Variants in GPR174 observed in about 807,000 individuals in gnomAD.
The protein encoded by GPR174 is probable G protein-coupled receptor 174.
In GPR174, 8 loss-of-function variants were observed where a neutral mutation model predicts 16.5. The ratio of observed to expected loss-of-function variants is 0.48; its 90% CI spans 0.28 to 0.87. The LOEUF (loss-of-function observed/expected upper bound fraction) is 0.87, where lower values mean the gene tolerates loss of function less well. Among genes scored for constraint, GPR174 ranks in the 40% least tolerant of loss-of-function variants. GPR174 has a pLI of 0.09. For missense variants in GPR174, 214 were observed against 247.5 expected (o/e 0.86, Z 0.91); for synonymous variants, 111 against 94.8 (o/e 1.17, Z -0.99).
At position 79,171,923 on chromosome X, in the gene GPR174, C is replaced by T. The variant is rs1278261605; in HGVS notation, c.916C>T (p.Gln306Ter). Residue 306 changes from glutamine to a stop codon, truncating the protein, a stop_gained, in exon 3 of 3, where the codon CAA becomes TAA. Coordinates refer to ENST00000645147, the MANE Select transcript of GPR174 (RefSeq NM_032553.3). LOFTEE classifies it high-confidence loss of function. ...TGAGTTCCGAAGACGGCTTTCAAGA[C>T]AAGATTTGCATGACAGCATCCAACT... ...TNEFRRRLSR[Q>*]DLHDSIQLHA... 1.7e-6 allele frequency: 2 copies of T among 1,208,554 alleles called. No individual in the cohort carries two copies. Among genetic ancestry groups the T allele is most frequent in the African/African-American group, 3.5e-5 (2 of 56,988 alleles).
rs1196940828 is a variant in GPR174, at chrX:79,171,353, C to T, written c.346C>T (p.Arg116Ter). 4.1e-6 allele frequency: 5 copies of T among 1,209,763 alleles called. No homozygotes were observed. The highest frequency in any genetic ancestry group is 3.0e-5 in the East Asian group (1 of 33,742). Reference protein sequence around the residue: ...IYFLVCISVRRFWFLMYPFRF... With the variant: ...IYFLVCISVR Reference sequence around the variant, plus strand: ...CTTCTTGGTCTGCATCAGTGTGCGACGATTTTGGTTTCTCATGTACCCCTT... The same window carrying T: ...CTTCTTGGTCTGCATCAGTGTGCGATGATTTTGGTTTCTCATGTACCCCTT... Residue 116 changes from arginine (R) to a stop codon, truncating the protein, a stop_gained, in exon 3 of 3, where the codon CGA (arginine) becomes TGA (stop). Coordinates refer to ENST00000645147, the MANE Select transcript of GPR174 (RefSeq NM_032553.3). LOFTEE classifies it high-confidence loss of function.
chrX:79,159,179 G>A (rs998292440), intron 2 of GPR174, among the ~76,000 whole-genome samples: 1 of 111,360 alleles, frequency 9.0e-6, no homozygotes, highest in African/African-American at 3.3e-5. Context: ...TTAACTGGGG[G>A]AAATTCAAGT....
rs1219358148 is a variant in GPR174, at chrX:79,171,319, A to T, written c.312A>T (p.Ala104=). The T allele has an allele frequency of 8.3e-7, 1 of 1,211,363 alleles. No individual in the cohort carries two copies. Among genetic ancestry groups the T allele is most frequent in the East Asian group, 3.0e-5 (1 of 33,833 alleles). ...ACCTGAAGTATGTCAACATGTATGC[A>T]AGCATCTACTTCTTGGTCTGCATCA... ...CFYLKYVNMY[A]SIYFLVCISV... is the part of the protein sequence containing the mutation. Residue 104 remains alanine, a synonymous_variant, in exon 3 of 3, where the codon GCA becomes GCT. Transcript: ENST00000645147.
At chrX:79,157,197 A>C (rs1414562150) in intron 2 of GPR174, among the ~76,000 whole-genome samples, 1 of 112,309 alleles carries the variant, frequency 8.9e-6, no homozygotes, top group Non-Finnish European at 1.9e-5. Flanking sequence ...ACAGAGAAAA[A>C]AAATCAGTCA....
At chrX:79,151,272 T>C (rs750554419) in intron 1 of GPR174, among the ~76,000 whole-genome samples, 1 of 111,821 alleles carries the variant, frequency 8.9e-6, no homozygotes, top group African/African-American at 3.2e-5. Context: ...TACATTTGCT[T>C]TCTCCATTTT....
In GPR174 at chrX:79,170,687, G is replaced by A. The variant is rs1258169730; in HGVS notation, c.-321G>A. On this transcript the variant is annotated 5_prime_UTR_variant, in exon 3 of 3. It removes an upstream start codon present in the reference 5' UTR. Coordinates refer to ENST00000645147, the MANE Select transcript of GPR174 (RefSeq NM_032553.3). Reference sequence around the variant, plus strand: ...TATATGGTACATTCCTTTTCCAAATGGGAGAGAATAAGCTCTCATGATGTC... The same window carrying A: ...TATATGGTACATTCCTTTTCCAAATAGGAGAGAATAAGCTCTCATGATGTC... 4.2e-6 allele frequency: 1 copy of A among 240,734 alleles called. No homozygotes were observed. The highest frequency in any genetic ancestry group is 6.3e-5 in the Admixed American group (1 of 15,753). 19.8% of individuals were successfully genotyped at this position (240,734 alleles called of 1,213,427 possible). A position where few individuals can be genotyped will look rare whatever the true frequency, so the allele number is the denominator to read the frequency against.
intron 2 of GPR174, among the ~76,000 whole-genome samples, chrX:79,167,750 C>T (rs763478706): frequency 8.9e-6 from 1 of 111,972 alleles, no homozygotes; most frequent in African/African-American, 3.2e-5. Context: ...TTTCAGATCT[C>T]AGTAGAGAAA....
chrX:79,146,357 G>T (rs987746727), intron 1 of GPR174, among the ~76,000 whole-genome samples: 2 of 112,419 alleles, frequency 1.8e-5, no homozygotes, highest in African/African-American at 6.5e-5. Context: ...TCAATAAGCA[G>T]AACTATATGC....
At position 79,173,890 on chromosome X, in the gene GPR174, ATAATT is replaced by A. The variant is rs1921577795; in HGVS notation, c.*1884_*1888del. On this transcript the variant is annotated 3_prime_UTR_variant, in exon 3 of 3. Coordinates refer to ENST00000645147, the MANE Select transcript of GPR174 (RefSeq NM_032553.3). ...GCTTTAAAGTGTCTTTTGTTTGACT[ATAATT>A]TAGTGTTGCAATAGGATTGCAAGTA... 1.8e-5 allele frequency: 2 copies of A among 111,884 alleles called. No homozygotes were observed. Among genetic ancestry groups the A allele is most frequent in the South Asian group, 3.7e-4 (1 of 2,703 alleles). 9.2% of individuals were successfully genotyped at this position (111,884 alleles called of 1,213,427 possible). A position where few individuals can be genotyped will look rare whatever the true frequency, so the allele number is the denominator to read the frequency against.
At chrX:79,157,960 G>A (rs765885342) in intron 2 of GPR174, among the ~76,000 whole-genome samples, 2 of 108,862 alleles carry the variant, frequency 1.8e-5, no homozygotes, top group African/African-American at 3.3e-5. Context: ...GGACCAGGAG[G>A]TCAGAGTTCT....
rs1327991579 is a variant in GPR174, at chrX:79,172,263, T to G, written c.*254T>G. 10 of 345,594 alleles carry G rather than the reference T, an allele frequency of 2.9e-5. No homozygotes were observed. 28.5% of individuals were successfully genotyped at this position (345,594 alleles called of 1,213,427 possible). ...CTTAAAATATCAAATTTCTGTGACATCCTATAAACATATGCACTCAACTGT... is the reference window on the plus strand; with the variant it reads ...CTTAAAATATCAAATTTCTGTGACAGCCTATAAACATATGCACTCAACTGT... On this transcript the variant is annotated 3_prime_UTR_variant, in exon 3 of 3. Transcript: ENST00000645147.
Position 79,172,047 on chromosome X carries a change from T to A in GPR174, c.*38T>A, listed in dbSNP as rs1921531932. The A allele has an allele frequency of 8.7e-7, 1 of 1,148,162 alleles. No homozygotes were observed. The highest frequency in any genetic ancestry group is 1.2e-6 in the Non-Finnish European group (1 of 858,670). 94.6% of individuals were successfully genotyped at this position (1,148,162 alleles called of 1,213,427 possible). ...AACTGAATGTGACCTGAAATGCAAG[T>A]ACATCAGAACATATCTGCAATACCC... On this transcript the variant is annotated 3_prime_UTR_variant, in exon 3 of 3. Transcript: ENST00000645147.
intron 1 of GPR174, among the ~76,000 whole-genome samples, chrX:79,155,230 C>G: frequency 9.0e-6 from 1 of 111,442 alleles, no homozygotes; most frequent in East Asian, 2.8e-4. Flanking sequence ...AAACAACAAA[C>G]TACCAGCAAG....
intron 2 of GPR174, among the ~76,000 whole-genome samples, chrX:79,167,236 T>C (rs1921395699): frequency 8.9e-6 from 1 of 112,225 alleles, no homozygotes; most frequent in Non-Finnish European, 1.9e-5. Flanking sequence ...TTCTCAGATT[T>C]TAAGGCTCTC....
At chrX:79,145,646 G>T (rs1229958241) in intron 1 of GPR174, among the ~76,000 whole-genome samples, 1 of 111,416 alleles carries the variant, frequency 9.0e-6, no homozygotes, top group Non-Finnish European at 1.9e-5. Context: ...AATTAAACTG[G>T]TTAACTTTGT....
Position 79,152,284 on chromosome X carries a change from C to T in GPR174, c.-653-4538C>T, listed in dbSNP as rs756776456. ...ATCCTTCATATGCAAATCAAGTTTA[C>T]ACATCAACCATCAGAAAACACGATA... On this transcript the variant is annotated intron_variant, in intron 1 of 2. Coordinates refer to ENST00000645147, the MANE Select transcript of GPR174 (RefSeq NM_032553.3). Among the ~76,000 whole-genome samples, 15 of 111,865 alleles carry T rather than the reference C, an allele frequency of 1.3e-4. No homozygotes were observed. The East Asian group carries it at 3.9e-3, about 29-fold the overall frequency.
intron 2 of GPR174, among the ~76,000 whole-genome samples, chrX:79,168,868 C>A (rs1921440836): frequency 9.0e-6 from 1 of 111,345 alleles, no homozygotes; most frequent in Admixed American, 9.5e-5. Flanking sequence ...ATGAAGCTTG[C>A]ATATAGTAGG....
intron 1 of GPR174, among the ~76,000 whole-genome samples, chrX:79,148,304 C>G (rs1926540019): frequency 9.0e-6 from 1 of 111,483 alleles, no homozygotes; most frequent in Non-Finnish European, 1.9e-5. Context: ...AACTCCTTTC[C>G]TACTTCCTGA....
rs753832481 is a variant in GPR174, at chrX:79,171,318, C to G, written c.311C>G (p.Ala104Gly). 5.0e-6 allele frequency: 6 copies of G among 1,209,596 alleles called. No individual in the cohort carries two copies. The highest frequency in any genetic ancestry group is 6.7e-6 in the Non-Finnish European group (6 of 894,726). Residue 104 changes from alanine (A) to glycine (G), a missense_variant, in exon 3 of 3, where the codon GCA becomes GGA. Physicochemically the swap from Ala to Gly is moderately conservative, Grantham distance 60 (BLOSUM62 0). Coordinates refer to ENST00000645147, the MANE Select transcript of GPR174 (RefSeq NM_032553.3). ...CFYLKYVNMY[A>G]SIYFLVCISV... ...TACCTGAAGTATGTCAACATGTATG[C>G]AAGCATCTACTTCTTGGTCTGCATC... is the stretch of plus-strand genomic sequence containing the variant.
Sources: allele counts gnomAD v4.1 joint callset (sites outside exome capture counted in the v4.1 genomes callset), GRCh38; gene constraint gnomAD v4.1.1; transcripts MANE v1.5; gene names NCBI Gene and HGNC (gene_info 2026-07-23, HGNC 2026-07-21).